The following MAPK4 variants were observed in gnomAD, a reference collection of about 807,000 sequenced individuals.
MAPK4 encodes mitogen-activated protein kinase 4.
A neutral mutation model predicts 47.7 loss-of-function variants in MAPK4; 22 were observed. The observed-to-expected ratio is 0.46, with a 90% CI of 0.33 to 0.66. The LOEUF is 0.66. Among genes scored for constraint, MAPK4 ranks in the 30% least tolerant of loss-of-function variants. The pLI is 0.02. For synonymous variants in MAPK4, 390 were observed against 365.7 expected (o/e 1.07, Z -0.76); for missense variants, 736 against 831.7 (o/e 0.88, Z 1.42).
chr18:50,686,024 C>G (rs1027654933), intron 2 of MAPK4, among the ~76,000 whole-genome samples: 1 of 151,902 alleles, frequency 6.6e-6, no homozygotes, highest in African/African-American at 2.4e-5. Context: ...CCTAGAAAGG[C>G]CCCCTAGAAG....
At chr18:50,640,292 T>C (rs2042928152) in intron 1 of MAPK4, among the ~76,000 whole-genome samples, 3 of 151,922 alleles carry the variant, frequency 2.0e-5, no homozygotes, top group African/African-American at 7.3e-5. Context: ...TCAGGGGCCA[T>C]GCTCTGTCAC....
In MAPK4 at chr18:50,729,336, A is replaced by G. The variant is rs528858237; in HGVS notation, c.1246A>G (p.Met416Val). The G allele has an allele frequency of 2.5e-6, 4 of 1,592,430 alleles. No individual in the cohort carries two copies. The African/African-American group carries it at 4.0e-5, about 16-fold the overall frequency. The change falls in exon 6 of 6, where the codon ATG (methionine) becomes GTG (valine). Residue 416 changes from methionine to valine, a missense_variant. Coordinates refer to ENST00000400384, the MANE Select transcript of MAPK4 (RefSeq NM_002747.4). ...ERFLEQSHSS[M>V]ERAFEADYGR... ...CTTCCTAGAGCAGTCGCACTCGTCC[A>G]TGGAGCGCGCCTTCGAGGCCGACTA...
At chr18:50,667,545 G>A (rs765791306) in intron 2 of MAPK4, among the ~76,000 whole-genome samples, 7 of 152,100 alleles carry the variant, frequency 4.6e-5, no homozygotes, top group Non-Finnish European at 7.3e-5. Context: ...CAAACTTCTC[G>A]AAACTTAACC....
At chr18:50,619,857 C>T (rs2042716215) in intron 1 of MAPK4, among the ~76,000 whole-genome samples, 1 of 152,248 alleles carries the variant, frequency 6.6e-6, no homozygotes, top group Non-Finnish European at 1.5e-5. Context: ...GCAGTCCTTT[C>T]TCTCTGCGGT....
At chr18:50,652,527 T>G (rs1211049169) in intron 1 of MAPK4, among the ~76,000 whole-genome samples, 2 of 152,188 alleles carry the variant, frequency 1.3e-5, no homozygotes, top group African/African-American at 4.8e-5. Context: ...GAAATTCTCA[T>G]GTCTGGTTGG....
At chr18:50,725,316 A>C (rs2144485972) in intron 4 of MAPK4, among the ~76,000 whole-genome samples, 1 of 152,326 alleles carries the variant, frequency 6.6e-6, no homozygotes, top group Middle Eastern at 3.4e-3. Flanking sequence ...ATTCGGACCC[A>C]GGAGCTCTGG....
chr18:50,680,078 C>CTTTTTTT (rs138992946), intron 2 of MAPK4, among the ~76,000 whole-genome samples: 1 of 54,334 alleles, frequency 1.8e-5, no homozygotes, highest in African/African-American at 8.1e-5. Context: ...TGCTTTTAAA[C>CTTTTTTT]TTTTTTTTTT....
chr18:50,677,374 G>C (rs1186858151), intron 2 of MAPK4, among the ~76,000 whole-genome samples: 1 of 152,164 alleles, frequency 6.6e-6, no homozygotes, highest in Non-Finnish European at 1.5e-5. Context: ...AACCTTTTCA[G>C]GTGGGAAGTT....
At chr18:50,565,499 C>T (rs2042190576) in intron 1 of MAPK4, among the ~76,000 whole-genome samples, 1 of 152,142 alleles carries the variant, frequency 6.6e-6, no homozygotes, top group Non-Finnish European at 1.5e-5. Flanking sequence ...TTTTGGAATA[C>T]CTGAGCCTGG....
intron 2 of MAPK4, among the ~76,000 whole-genome samples, chr18:50,710,339 C>T (rs1910282416): frequency 6.6e-6 from 1 of 152,008 alleles, no homozygotes; most frequent in South Asian, 2.1e-4. Flanking sequence ...AAAAATTAGC[C>T]AAGCGTGGTG....
intron 1 of MAPK4, among the ~76,000 whole-genome samples, chr18:50,613,563 A>G (rs1696792916): frequency 2.0e-5 from 3 of 152,206 alleles, no homozygotes; most frequent in Admixed American, 2.0e-4. Context: ...ACCCACAGAA[A>G]CTGGGATATC....
intron 1 of MAPK4, among the ~76,000 whole-genome samples, chr18:50,571,841 C>T (rs2042253208): frequency 6.6e-6 from 1 of 152,186 alleles, no homozygotes; most frequent in Non-Finnish European, 1.5e-5. Context: ...GAGACCATGA[C>T]ATCACCTTCA....
chr18:50,598,104 T>C (rs1336477824), intron 1 of MAPK4, among the ~76,000 whole-genome samples: 2 of 152,230 alleles, frequency 1.3e-5, no homozygotes, highest in East Asian at 3.8e-4. Flanking sequence ...CTCCAACCAC[T>C]ACCACAACAC....
intron 2 of MAPK4, among the ~76,000 whole-genome samples, chr18:50,670,402 C>G (rs1907874380): frequency 6.6e-6 from 1 of 152,146 alleles, no homozygotes; most frequent in African/African-American, 2.4e-5. Context: ...TGTCTTCTTT[C>G]TTCGTTCAAG....
At chr18:50,623,134 C>A (rs2149382981) in intron 1 of MAPK4, among the ~76,000 whole-genome samples, 1 of 152,234 alleles carries the variant, frequency 6.6e-6, no homozygotes, top group East Asian at 1.9e-4. Context: ...TGTAAGAGAG[C>A]TGTAGGAGTT....
At chr18:50,592,086 G>A (rs2042441262) in intron 1 of MAPK4, among the ~76,000 whole-genome samples, 1 of 152,174 alleles carries the variant, frequency 6.6e-6, no homozygotes, top group Admixed American at 6.5e-5. Flanking sequence ...GCTGGCAGAA[G>A]GCAATTAGAG....
At chr18:50,616,699 A>G (rs2042687812) in intron 1 of MAPK4, among the ~76,000 whole-genome samples, 1 of 152,234 alleles carries the variant, frequency 6.6e-6, no homozygotes, top group African/African-American at 2.4e-5. Flanking sequence ...AGAGTCCAAC[A>G]GCTGAAGAAC....
intron 4 of MAPK4, among the ~76,000 whole-genome samples, 155 bp from the exon 5 acceptor site, chr18:50,725,807 T>C (rs1021908756): frequency 6.6e-6 from 1 of 152,214 alleles, no homozygotes; most frequent in Admixed American, 6.5e-5. Flanking sequence ...TGTCACTGGA[T>C]TGTGACAAGG....
At chr18:50,624,710 A>G (rs1225444529) in intron 1 of MAPK4, among the ~76,000 whole-genome samples, 7 of 152,160 alleles carry the variant, frequency 4.6e-5, no homozygotes, top group Non-Finnish European at 1.0e-4. Context: ...TTTTAATAAT[A>G]CCATTGGTGA....
Sources: gnomAD v4.1 joint callset for allele counts (sites outside exome capture counted in the v4.1 genomes callset) on GRCh38, gnomAD v4.1.1 for gene constraint, MANE v1.5 for transcripts, NCBI Gene and HGNC (gene_info 2026-07-23, HGNC 2026-07-21) for gene names.